Variants in FSTL5 observed in about 807,000 individuals in gnomAD.
FSTL5 encodes the protein follistatin-related protein 5.
FSTL5 carries 62 observed loss-of-function variants against 89.1 expected under a neutral mutation model. That is an observed-to-expected ratio of 0.70 (90% CI 0.57 to 0.86). FSTL5 has a LOEUF of 0.86. Among genes scored for constraint, FSTL5 ranks in the 40% least tolerant of loss-of-function variants. The pLI is 0.00. For synonymous variants in FSTL5, 383 were observed against 346.2 expected, an observed-to-expected ratio of 1.11 and a Z score of -1.18; for missense variants, 1,057 against 1,001.6, an observed-to-expected ratio of 1.06 and a Z score of -0.75.
At chr4:161,664,856 G>C (rs1043384002) in intron 6 of FSTL5, 6 of 183,566 alleles carry the variant, frequency 3.3e-5, no homozygotes, top group African/African-American at 1.4e-4. Context: ...CATTGTGGGA[G>C]GTGAAAGGCA....
chr4:161,854,291 TAGAA>T (rs1346249161), intron 4 of FSTL5, among the ~76,000 whole-genome samples: 1 of 152,168 alleles, frequency 6.6e-6, no homozygotes, highest in Non-Finnish European at 1.5e-5. Flanking sequence ...ATTCTGTCCT[TAGAA>T]AGGGCTTCTG....
chr4:161,591,167 T>A (rs1733807175), intron 7 of FSTL5, among the ~76,000 whole-genome samples: 1 of 152,202 alleles, frequency 6.6e-6, no homozygotes, highest in African/African-American at 2.4e-5. Context: ...GGCCTTTGCA[T>A]GAATCTTGAA....
At chr4:161,502,174 C>T (rs79963673) in intron 11 of FSTL5, among the ~76,000 whole-genome samples, 1,693 of 152,070 alleles carry the variant, frequency 0.011, 28 homozygotes, top group African/African-American at 0.038. Flanking sequence ...TGAAATATTT[C>T]CTTCCCTTAC....
chr4:161,628,189 G>A (rs1407874086), intron 7 of FSTL5, among the ~76,000 whole-genome samples: 1 of 152,086 alleles, frequency 6.6e-6, no homozygotes, highest in African/African-American at 2.4e-5. Flanking sequence ...CATTCACACT[G>A]TGTCTGGCAT....
At chr4:162,033,765 C>G (rs1737627399) in intron 2 of FSTL5, 107 bp from the exon 3 acceptor site, 1 of 612,930 alleles carries the variant, frequency 1.6e-6, no homozygotes, top group Non-Finnish European at 2.8e-6. Context: ...TGTACATATT[C>G]CCAGGAACAT....
chr4:162,098,465 G>A (rs2111375967), intron 2 of FSTL5, among the ~76,000 whole-genome samples: 1 of 152,054 alleles, frequency 6.6e-6, no homozygotes, highest in Middle Eastern at 3.4e-3. Context: ...TAACATCTGG[G>A]CTGTCCATTG....
intron 4 of FSTL5, among the ~76,000 whole-genome samples, chr4:161,869,467 T>A (rs1351751434): frequency 1.3e-5 from 2 of 152,204 alleles, no homozygotes; most frequent in Non-Finnish European, 2.9e-5. Context: ...GCTGACATTA[T>A]GGCTGACTCC....
chr4:162,029,452 C>T (rs1308061060), intron 3 of FSTL5, among the ~76,000 whole-genome samples: 3 of 151,888 alleles, frequency 2.0e-5, no homozygotes, highest in South Asian at 2.1e-4. Flanking sequence ...GTTTAATGTC[C>T]TTGTAAAATT....
chr4:161,986,848 G>A (rs752348990), intron 3 of FSTL5, among the ~76,000 whole-genome samples: 18 of 152,136 alleles, frequency 1.2e-4, no homozygotes, highest in Non-Finnish European at 5.9e-5. Flanking sequence ...TCAGATAACT[G>A]CTGAAGACAA....
chr4:161,755,900 C>T (rs1740552110), intron 6 of FSTL5, among the ~76,000 whole-genome samples: 1 of 152,002 alleles, frequency 6.6e-6, no homozygotes, highest in Non-Finnish European at 1.5e-5. Flanking sequence ...TGTCACTAAA[C>T]TTCACAAAAC....
At chr4:161,509,717 C>A (rs929749182) in intron 11 of FSTL5, among the ~76,000 whole-genome samples, 1 of 152,094 alleles carries the variant, frequency 6.6e-6, no homozygotes, top group Admixed American at 6.5e-5. Context: ...GGCTTTTAGA[C>A]ATTTTTCTCT....
chr4:161,502,969 T>C (rs1730350318), intron 11 of FSTL5, among the ~76,000 whole-genome samples: 1 of 151,634 alleles, frequency 6.6e-6, no homozygotes, highest in African/African-American at 2.4e-5. Context: ...TAAATTTATA[T>C]ATATTATATT....
At chr4:161,522,936 T>G in intron 10 of FSTL5, among the ~76,000 whole-genome samples, 1 of 136,192 alleles carries the variant, frequency 7.3e-6, no homozygotes, top group East Asian at 2.1e-4. Flanking sequence ...TGAATAATTT[T>G]TATCCTCTAA....
At chr4:162,092,030 C>G (rs1730570321) in intron 2 of FSTL5, among the ~76,000 whole-genome samples, 1 of 151,128 alleles carries the variant, frequency 6.6e-6, no homozygotes, top group East Asian at 1.9e-4. Context: ...GTAATATTTC[C>G]AAATTTAAAA....
intron 4 of FSTL5, among the ~76,000 whole-genome samples, chr4:161,831,822 T>C (rs1730855601): frequency 6.6e-6 from 1 of 151,470 alleles, no homozygotes; most frequent in Non-Finnish European, 1.5e-5. Context: ...ATATATGCCA[T>C]TCTGAAAAAT....
chr4:161,605,558 A>G (rs1734409742), intron 7 of FSTL5, among the ~76,000 whole-genome samples: 1 of 152,186 alleles, frequency 6.6e-6, no homozygotes, highest in South Asian at 2.1e-4. Flanking sequence ...AATAACTGCT[A>G]TGAGGAAACT....
At chr4:161,581,349 C>T (rs767626793) in intron 8 of FSTL5, among the ~76,000 whole-genome samples, 2 of 152,214 alleles carry the variant, frequency 1.3e-5, no homozygotes, top group Non-Finnish European at 2.9e-5. Context: ...TTCTCACTCT[C>T]TCATTTATTA....
intron 1 of FSTL5, among the ~76,000 whole-genome samples, chr4:162,155,594 G>T (rs1217859423): frequency 1.3e-5 from 2 of 152,150 alleles, no homozygotes; most frequent in Admixed American, 1.3e-4. Flanking sequence ...GAGATCCAAA[G>T]TGACACTGAC....
At chr4:161,851,418 C>T (rs1190912332) in intron 4 of FSTL5, among the ~76,000 whole-genome samples, 4 of 152,078 alleles carry the variant, frequency 2.6e-5, no homozygotes, top group East Asian at 1.9e-4. Flanking sequence ...AACTACCTGA[C>T]GACACAAACA....
Sources: gnomAD v4.1 joint callset for allele counts (sites outside exome capture counted in the v4.1 genomes callset) on GRCh38, gnomAD v4.1.1 for gene constraint, MANE v1.5 for transcripts, NCBI Gene and HGNC (gene_info 2026-07-23, HGNC 2026-07-21) for gene names.